Variants in SEMA3B observed in about 807,000 individuals in gnomAD.
SEMA3B encodes semaphorin 3B, also known as semaphorin-3B.
In SEMA3B, 71 loss-of-function variants were observed where a neutral mutation model predicts 77.8. That is an observed-to-expected ratio of 0.91 (90% CI 0.75 to 1.11). The LOEUF (loss-of-function observed/expected upper bound fraction) is 1.11, where lower values mean the gene tolerates loss of function less well. SEMA3B is among the 50% of genes most tolerant of loss of function. SEMA3B has a pLI of 0.00. For missense variants in SEMA3B, 968 were observed against 1,056.8 expected (o/e 0.92, Z 1.17); for synonymous variants, 470 against 452.9 (o/e 1.04, Z -0.48).
rs1391125433 is a variant in SEMA3B, at chr3:50,269,683, T to C, written c.109+334T>C. Among the ~76,000 whole-genome samples the C allele has an allele frequency of 6.6e-6, 1 of 152,062 alleles. No individual in the cohort carries two copies. Among genetic ancestry groups the C allele is most frequent in the Admixed American group, 6.5e-5 (1 of 15,268 alleles). Reference sequence around the variant, plus strand: ...CAGAGCCCCCTTCTCATGCCTCCTGTATAGGAGGGTGGCCCCTGGGCAGTG... The same window carrying C: ...CAGAGCCCCCTTCTCATGCCTCCTGCATAGGAGGGTGGCCCCTGGGCAGTG... On this transcript the variant is annotated intron_variant, in intron 1 of 16. Transcript: ENST00000616701. This position sits in a 1 kb window ranked among gnomAD's most constrained non-coding sequence, Gnocchi z 4.0.
rs781851382 is a variant in SEMA3B at position 50,273,473 on chromosome 3, C to CCCTGCCCCTACCCCTTTG, written c.810+38_811-37dup. The CCCTGCCCCTACCCCTTTG allele has an allele frequency of 1.2e-6, 2 of 1,610,598 alleles. No individual in the cohort carries two copies. Among genetic ancestry groups the CCCTGCCCCTACCCCTTTG allele is most frequent in the East Asian group, 4.5e-5 (2 of 44,814 alleles). The stretch of plus-strand genomic sequence containing the variant: ...GGAGTCCCTGGGCCACACCCGGCGA[C>CCCTGCCCCTACCCCTTTG]CCTGCCCCTACCCCTTTGCCTGCCC... On this transcript the variant is annotated intron_variant, in intron 7 of 16. Coordinates refer to ENST00000616701, the MANE Select transcript of SEMA3B (RefSeq NM_001290060.2). This position sits in a 1 kb window ranked among gnomAD's most constrained non-coding sequence, Gnocchi z 6.5.
In SEMA3B at chr3:50,273,723, T is replaced by G; in HGVS notation, c.923-36T>G. The G allele has an allele frequency of 6.2e-7, 1 of 1,604,702 alleles. No homozygotes were observed. Among genetic ancestry groups the G allele is most frequent in the Non-Finnish European group, 8.5e-7 (1 of 1,178,844 alleles). On this transcript the variant is annotated intron_variant, in intron 8 of 16. Transcript: ENST00000616701. The surrounding 1 kb of genome is among the most constrained non-coding windows in gnomAD (Gnocchi z 6.5). ...CCGGGAGCCCCCGCCGCAGCGGGGC[T>G]GTGCGCCCTACCCCAGCTAGGCCCC...
At position 50,274,505 on chromosome 3, in the gene SEMA3B, A is replaced by G. The variant is rs2109246439; in HGVS notation, c.1280A>G (p.Asn427Ser). The G allele has an allele frequency of 1.9e-6, 3 of 1,569,416 alleles. No individual in the cohort carries two copies. Among genetic ancestry groups the G allele is most frequent in the Admixed American group, 1.9e-5 (1 of 51,936 alleles). Residue 427 changes from asparagine (N) to serine (S), a missense_variant, in exon 11 of 17, where the codon AAT (asparagine) becomes AGT (serine). Transcript: ENST00000616701. This position sits in a 1 kb window ranked among gnomAD's most constrained non-coding sequence, Gnocchi z 4.7. Reference protein sequence around the residue: ...GRPLFLQVGANYTFTQIAADR... With the variant: ...GRPLFLQVGASYTFTQIAADR... Reference sequence around the variant, plus strand: ...CCTCTTTTCCTACAAGTTGGAGCCAATTACACCTTCACTCAAATTGCCGCG... The same window carrying G: ...CCTCTTTTCCTACAAGTTGGAGCCAGTTACACCTTCACTCAAATTGCCGCG...
rs782295608 is a variant in SEMA3B, at chr3:50,274,504, A to G, written c.1279A>G (p.Asn427Asp). ...GRPLFLQVGA[N>D]YTFTQIAADR... ...CCCTCTTTTCCTACAAGTTGGAGCC[A>G]ATTACACCTTCACTCAAATTGCCGC... Residue 427 changes from asparagine (N) to aspartate (D), a missense_variant, in exon 11 of 17, where the codon AAT becomes GAT. Coordinates refer to ENST00000616701, the MANE Select transcript of SEMA3B (RefSeq NM_001290060.2). The surrounding 1 kb of genome is among the most constrained non-coding windows in gnomAD (Gnocchi z 4.7). 2 of 1,569,356 alleles carry G rather than the reference A, an allele frequency of 1.3e-6. No individual in the cohort carries two copies. Among genetic ancestry groups the G allele is most frequent in the Admixed American group, 3.9e-5 (2 of 51,752 alleles).
In SEMA3B at chr3:50,270,443, C is replaced by A. The variant is rs782437046; in HGVS notation, c.278C>A (p.Pro93Gln). 2 of 1,613,732 alleles carry A rather than the reference C, an allele frequency of 1.2e-6. No individual in the cohort carries two copies. Among genetic ancestry groups the A allele is most frequent in the Non-Finnish European group, 1.7e-6 (2 of 1,179,848 alleles). The stretch of plus-strand genomic sequence containing the variant: ...CCAACCTCCCGATAGCTGGCCTGGC[C>A]GGCCCCTGTGGAATGGCGAGAGGAG... ...ISKRAKKLAW[P>Q]APVEWREECN... The change falls in exon 3 of 17, where the codon CCG (proline) becomes CAG (glutamine). Residue 93 changes from proline to glutamine, a missense_variant. Transcript: ENST00000616701. The surrounding 1 kb of genome is among the most constrained non-coding windows in gnomAD (Gnocchi z 4.7).
chr3:50,274,234 C>T lies in SEMA3B; in HGVS notation c.1138-129C>T. Reference sequence around the variant, plus strand: ...TGACTTCCTAGGGCAAGGCTGATCTCCTCTCTAATTCTCAGGGCAGGGTTC... The same window carrying T: ...TGACTTCCTAGGGCAAGGCTGATCTTCTCTCTAATTCTCAGGGCAGGGTTC... On this transcript the variant is annotated intron_variant, in intron 10 of 16. Transcript: ENST00000616701. This position sits in a 1 kb window ranked among gnomAD's most constrained non-coding sequence, Gnocchi z 4.7. The T allele has an allele frequency of 3.2e-6, 4 of 1,238,256 alleles. No individual in the cohort carries two copies. The highest frequency in any genetic ancestry group is 4.5e-6 in the Non-Finnish European group (4 of 890,958). The allele number at this position is 1,238,256 out of a possible 1,614,324, so 76.7% of individuals were successfully genotyped here.
chr3:50,274,398 C>T lies in SEMA3B; in HGVS notation c.1173C>T (p.Thr391=). 1 of 1,504,670 alleles carries T rather than the reference C, an allele frequency of 6.6e-7. No individual in the cohort carries two copies. The highest frequency in any genetic ancestry group is 1.4e-5 in the African/African-American group (1 of 71,320). The allele number at this position is 1,504,670 out of a possible 1,614,324, so 93.2% of individuals were successfully genotyped here. The change falls in exon 11 of 17, where the codon ACC becomes ACT. Residue 391 remains threonine (T), a synonymous_variant. Transcript: ENST00000616701. This position sits in a 1 kb window ranked among gnomAD's most constrained non-coding sequence, Gnocchi z 4.7. ...AGACCTTTGGCACCTTCAGTTCCAC[C>T]AAGGACTTCCCAGACGATGTCATCC... ...PSKTFGTFSS[T]KDFPDDVIQF...
chr3:50,272,879 T>TAATAATAAA (rs797032591), intron 6 of SEMA3B, among the ~76,000 whole-genome samples: 6 of 150,032 alleles, frequency 4.0e-5, no homozygotes, highest in East Asian at 4.0e-4. Flanking sequence ...ATAATAATAA[T>TAATAATAAA]AAAGAGCAAT....
rs1200176256 is a variant in SEMA3B, at chr3:50,275,144, C to T, written c.1491+91C>T. 1.6e-5 allele frequency: 24 copies of T among 1,486,568 alleles called. No individual in the cohort carries two copies. The highest frequency in any genetic ancestry group is 1.9e-5 in the Non-Finnish European group (21 of 1,114,580). The allele number at this position is 1,486,568 out of a possible 1,614,324, so 92.1% of individuals were successfully genotyped here. A position where few individuals can be genotyped will look rare whatever the true frequency, so the allele number is the denominator to read the frequency against. On this transcript the variant is annotated intron_variant, in intron 13 of 16. Coordinates refer to ENST00000616701, the MANE Select transcript of SEMA3B (RefSeq NM_001290060.2). The surrounding 1 kb of genome is among the most constrained non-coding windows in gnomAD (Gnocchi z 7.5). Reference sequence around the variant, plus strand: ...CTGGCCCCTTTTGGTAGTTTGCAGTCCCGGGTTTGAGTACAGGCTCTGGCT... The same window carrying T: ...CTGGCCCCTTTTGGTAGTTTGCAGTTCCGGGTTTGAGTACAGGCTCTGGCT...
chr3:50,270,976 C>A lies in SEMA3B; in HGVS notation c.417C>A (p.Thr139=). The stretch of plus-strand genomic sequence containing the variant: ...GTGGCACGGGAGCCTTCCACCCAAC[C>A]TGTGCCTTTGTGGAAGTGGGCCACC... ...LACGTGAFHP[T]CAFVEVGHRA... The change falls in exon 4 of 17, where the codon ACC becomes ACA. Residue 139 remains threonine (T), a synonymous_variant. Coordinates refer to ENST00000616701, the MANE Select transcript of SEMA3B (RefSeq NM_001290060.2). The surrounding 1 kb of genome is among the most constrained non-coding windows in gnomAD (Gnocchi z 4.7). 1 of 1,610,126 alleles carries A rather than the reference C, an allele frequency of 6.2e-7. No homozygotes were observed. The highest frequency in any genetic ancestry group is 8.5e-7 in the Non-Finnish European group (1 of 1,178,202).
chr3:50,270,075 G>C lies in SEMA3B; in HGVS notation c.110-52G>C, dbSNP rs1356319937. The stretch of plus-strand genomic sequence containing the variant: ...TAGAGTCACCACCAGGCAGGACCTG[G>C]GGGAGGCTTCCAGCATGGCTGGCGA... On this transcript the variant is annotated intron_variant, in intron 1 of 16. Transcript: ENST00000616701. This position sits in a 1 kb window ranked among gnomAD's most constrained non-coding sequence, Gnocchi z 4.7. The C allele has an allele frequency of 2.0e-6, 3 of 1,484,796 alleles. No homozygotes were observed. Among genetic ancestry groups the C allele is most frequent in the Non-Finnish European group, 2.7e-6 (3 of 1,115,040 alleles). The allele number at this position is 1,484,796 out of a possible 1,614,324, so 92.0% of individuals were successfully genotyped here.
At chr3:50,269,018 GC>G, upstream of SEMA3B, 1 of 581,492 alleles carries the variant, frequency 1.7e-6, no homozygotes, top group Non-Finnish European at 3.1e-6. The surrounding 1 kb of genome is among the most constrained non-coding windows in gnomAD (Gnocchi z 4.0). Flanking sequence ...TGTGATTGTG[GC>G]CAGGCGGGGC....
At position 50,269,447 on chromosome 3, in the gene SEMA3B, C is replaced by A; in HGVS notation, c.109+98C>A. 1.4e-6 allele frequency: 1 copy of A among 718,736 alleles called. No individual in the cohort carries two copies. Among genetic ancestry groups the A allele is most frequent in the Non-Finnish European group, 2.2e-6 (1 of 449,402 alleles). The allele number at this position is 718,736 out of a possible 1,614,324, so 44.5% of individuals were successfully genotyped here. A position where few individuals can be genotyped will look rare whatever the true frequency, so the allele number is the denominator to read the frequency against. On this transcript the variant is annotated intron_variant, in intron 1 of 16. Coordinates refer to ENST00000616701, the MANE Select transcript of SEMA3B (RefSeq NM_001290060.2). The surrounding 1 kb of genome is among the most constrained non-coding windows in gnomAD (Gnocchi z 4.0). ...TCTGTGTTGGCTGTTGCCCCATGTG[C>A]GTGCCTGTCACCAGACTCTGGTAGG...
In SEMA3B at chr3:50,276,088, C is replaced by G. The variant is rs1445498792; in HGVS notation, c.1846-214C>G. On this transcript the variant is annotated intron_variant, in intron 16 of 16. Transcript: ENST00000616701. This position sits in a 1 kb window ranked among gnomAD's most constrained non-coding sequence, Gnocchi z 5.8. ...CCTCCCATTAAGGTCCCTGACCACC[C>G]CCCACCAAGTTCATGTAAACCCCGC... 1 of 787,244 alleles carries G rather than the reference C, an allele frequency of 1.3e-6. No individual in the cohort carries two copies. Among genetic ancestry groups the G allele is most frequent in the East Asian group, 2.9e-5 (1 of 34,138 alleles). 48.8% of individuals were successfully genotyped at this position (787,244 alleles called of 1,614,324 possible). A position where few individuals can be genotyped will look rare whatever the true frequency, so the allele number is the denominator to read the frequency against.
Position 50,276,665 on chromosome 3 carries a change from C to T in SEMA3B, c.2209C>T (p.Pro737Ser), listed in dbSNP as rs782102980. Residue 737 changes from proline (P) to serine (S), a missense_variant, in exon 17 of 17, where the codon CCT (proline) becomes TCT (serine). Transcript: ENST00000616701. This position sits in a 1 kb window ranked among gnomAD's most constrained non-coding sequence, Gnocchi z 5.8. ...TAACCGGAGGACCCACGCCCCTGAG[C>T]CTCGCGCTGAGCGGGGGCCGCGCAG... is the stretch of plus-strand genomic sequence containing the variant. ...GRNRRTHAPE[P>S]RAERGPRSAT... 10 of 1,575,690 alleles carry T rather than the reference C, an allele frequency of 6.3e-6. No individual in the cohort carries two copies. In the African/African-American group the frequency reaches 1.4e-4, roughly 22 times the overall value.
chr3:50,270,814 T>G lies in SEMA3B; in HGVS notation c.331-76T>G. The G allele has an allele frequency of 6.5e-7, 1 of 1,539,538 alleles. No homozygotes were observed. Among genetic ancestry groups the G allele is most frequent in the Non-Finnish European group, 8.8e-7 (1 of 1,139,048 alleles). On this transcript the variant is annotated intron_variant, in intron 3 of 16. Coordinates refer to ENST00000616701, the MANE Select transcript of SEMA3B (RefSeq NM_001290060.2). This position sits in a 1 kb window ranked among gnomAD's most constrained non-coding sequence, Gnocchi z 4.7. ...GGCTGATGCCGAAGAGAGGGAGGGGTGAGGATGCCACTGGTGAGCTGGGAC... is the reference window on the plus strand; with the variant it reads ...GGCTGATGCCGAAGAGAGGGAGGGGGGAGGATGCCACTGGTGAGCTGGGAC...
rs782576160 is a variant in SEMA3B at position 50,271,478 on chromosome 3, A to G, written c.662A>G (p.Asn221Ser). Residue 221 changes from asparagine (N) to serine (S), a missense_variant and splice_region_variant, in exon 6 of 17, where the codon AAT becomes AGT. Transcript: ENST00000616701. ...GAGCCACACGACTCCCGCTGGCTCAATGGTGAGAGGCTGGTGGGGTTGGTG... is the reference window on the plus strand; with the variant it reads ...GAGCCACACGACTCCCGCTGGCTCAGTGGTGAGAGGCTGGTGGGGTTGGTG... Reference protein sequence around the residue: ...RTEPHDSRWLNEPKFVKVFWI... With the variant: ...RTEPHDSRWLSEPKFVKVFWI... 2.6e-6 allele frequency: 4 copies of G among 1,561,572 alleles called. No homozygotes were observed. In the South Asian group the frequency reaches 3.5e-5, roughly 14 times the overall value.
chr3:50,267,565 A>ACGG (rs1553704660), upstream of SEMA3B: 10 of 151,666 alleles, frequency 6.6e-5, no homozygotes, highest in African/African-American at 2.4e-4. The surrounding 1 kb of genome is among the most constrained non-coding windows in gnomAD (Gnocchi z 5.7). Flanking sequence ...TCTAAACTTT[A>ACGG]CGGCACGGCG....
rs782374426 is a variant in SEMA3B at position 50,274,935 on chromosome 3, G to C, written c.1449+1G>C. On this transcript the variant is annotated splice_donor_variant, in intron 12 of 16. Coordinates refer to ENST00000616701, the MANE Select transcript of SEMA3B (RefSeq NM_001290060.2). LOFTEE classifies it high-confidence loss of function. The surrounding 1 kb of genome is among the most constrained non-coding windows in gnomAD (Gnocchi z 4.7). ...CCTGGAGGAGCTGCACGTGTTTGAG[G>C]TGAGGCCTCACCCCCAGTCGCCCGG... The C allele has an allele frequency of 1.2e-6, 2 of 1,608,164 alleles. No individual in the cohort carries two copies. Among genetic ancestry groups the C allele is most frequent in the South Asian group, 2.2e-5 (2 of 90,254 alleles).
Sources: allele counts gnomAD v4.1 joint callset (sites outside exome capture counted in the v4.1 genomes callset), GRCh38; gene constraint gnomAD v4.1.1; non-coding constraint Gnocchi (gnomAD v3.1); transcripts MANE v1.5; gene names NCBI Gene and HGNC (gene_info 2026-07-23, HGNC 2026-07-21).